MAP2: variants seen among roughly 807,000 people sequenced by gnomAD.
MAP2 encodes microtubule associated protein 2.
A neutral mutation model predicts 137.6 loss-of-function variants in MAP2; 14 were observed. The ratio of observed to expected loss-of-function variants is 0.10; its 90% CI spans 0.07 to 0.16. The LOEUF (loss-of-function observed/expected upper bound fraction) is 0.16, where lower values mean the gene tolerates loss of function less well. Among genes scored for constraint, MAP2 ranks in the 10% least tolerant of loss-of-function variants. The pLI, the probability that MAP2 is intolerant of heterozygous loss-of-function variation, is 1.00. For synonymous variants in MAP2, 786 were observed against 782.3 expected, an observed-to-expected ratio of 1.00 and a Z score of -0.08; for missense variants, 2,088 against 2,191.5, an observed-to-expected ratio of 0.95 and a Z score of 0.94.
intron 2 of MAP2, among the ~76,000 whole-genome samples, chr2:209,523,901 A>G (rs2063637320): frequency 6.6e-6 from 1 of 152,196 alleles, no homozygotes; most frequent in Admixed American, 6.6e-5. Context: ...ATGTTAGCAG[A>G]AATGAAAAGT....
At chr2:209,698,639 G>A (rs1218020004) in intron 10 of MAP2, among the ~76,000 whole-genome samples, 5 of 152,168 alleles carry the variant, frequency 3.3e-5, no homozygotes, top group African/African-American at 4.8e-5. Flanking sequence ...GGCAGGATTT[G>A]AAAATAGAAG....
At chr2:209,435,729 T>A (rs753666276) in intron 1 of MAP2, among the ~76,000 whole-genome samples, 1 of 150,786 alleles carries the variant, frequency 6.6e-6, no homozygotes, top group Non-Finnish European at 1.5e-5. Context: ...CTATTTAGAG[T>A]GGGAAACTAA....
chr2:209,542,330 C>G (rs1194928834), intron 2 of MAP2, among the ~76,000 whole-genome samples: 1 of 152,194 alleles, frequency 6.6e-6, no homozygotes, highest in African/African-American at 2.4e-5. Context: ...TTTACATCAT[C>G]CAGGTGGTTC....
chr2:209,664,086 G>A (rs7596811), intron 5 of MAP2, among the ~76,000 whole-genome samples: 28,730 of 152,146 alleles, frequency 0.19, 3,903 homozygotes, highest in African/African-American at 0.38. Flanking sequence ...ATTGATCATA[G>A]CAATCATTTT....
chr2:209,616,647 G>A (rs1199429485), intron 3 of MAP2, among the ~76,000 whole-genome samples: 3 of 152,112 alleles, frequency 2.0e-5, no homozygotes. Flanking sequence ...AATAGTTACT[G>A]AACAAGTATT....
intron 13 of MAP2, among the ~76,000 whole-genome samples, chr2:209,720,418 C>A (rs1284789982): frequency 6.6e-6 from 1 of 152,034 alleles, no homozygotes; most frequent in Non-Finnish European, 1.5e-5. Context: ...GCGGGCAGAT[C>A]ACGAGGTCAG....
At chr2:209,642,789 A>G (rs2094138185) in intron 4 of MAP2, among the ~76,000 whole-genome samples, 2 of 152,190 alleles carry the variant, frequency 1.3e-5, no homozygotes, top group Admixed American at 1.3e-4. Context: ...CTTAGAAGAC[A>G]AAGAGGGAGA....
chr2:209,560,881 TA>T (rs149309823), intron 2 of MAP2, among the ~76,000 whole-genome samples: 2,992 of 152,258 alleles, frequency 0.02, 94 homozygotes, highest in African/African-American at 0.068. Context: ...TTAAAACTCT[TA>T]AAAATAACTT....
intron 3 of MAP2, among the ~76,000 whole-genome samples, chr2:209,606,360 A>C (rs1244890184): frequency 1.3e-5 from 2 of 152,156 alleles, no homozygotes; most frequent in African/African-American, 4.8e-5. Context: ...TGGTATTAAC[A>C]TGTGAAGAAA....
intron 2 of MAP2, among the ~76,000 whole-genome samples, chr2:209,575,329 G>C (rs566052881): frequency 6.6e-6 from 1 of 151,878 alleles, no homozygotes; most frequent in Non-Finnish European, 1.5e-5. Context: ...AGACCATCCT[G>C]GCTAACACAG....
chr2:209,624,414 T>G (rs2091914828), intron 3 of MAP2, among the ~76,000 whole-genome samples: 1 of 152,194 alleles, frequency 6.6e-6, no homozygotes, highest in Non-Finnish European at 1.5e-5. Context: ...GCTTATGAAG[T>G]AGAAAACAAG....
chr2:209,556,199 C>A (rs373347624), intron 2 of MAP2, among the ~76,000 whole-genome samples: 17 of 151,898 alleles, frequency 1.1e-4, no homozygotes, highest in African/African-American at 4.1e-4. Context: ...TACCACCATG[C>A]CCAGCTAATT....
At chr2:209,569,998 A>G (rs1050355406) in intron 2 of MAP2, among the ~76,000 whole-genome samples, 1 of 151,822 alleles carries the variant, frequency 6.6e-6, no homozygotes. Context: ...ATTAAACCAG[A>G]TAGATAGTAA....
intron 2 of MAP2, among the ~76,000 whole-genome samples, chr2:209,577,634 C>T (rs1471606063): frequency 6.6e-6 from 1 of 152,084 alleles, no homozygotes; most frequent in Admixed American, 6.5e-5. Flanking sequence ...CCTGGGCTTT[C>T]CATTTTCCAG....
At chr2:209,706,472 AATT>A (rs1367981999) in intron 12 of MAP2, among the ~76,000 whole-genome samples, 1 of 152,006 alleles carries the variant, frequency 6.6e-6, no homozygotes, top group African/African-American at 2.4e-5. Context: ...CTATTATAAT[AATT>A]AATAAACTCA....
chr2:209,722,482 A>G (rs530220039), intron 13 of MAP2, among the ~76,000 whole-genome samples: 45 of 152,284 alleles, frequency 3.0e-4, no homozygotes, highest in African/African-American at 1.0e-3. Flanking sequence ...TTTTAATAAG[A>G]GGATAAAGTG....
rs2060321973 is a variant in MAP2, at chr2:209,696,918, A to G, written c.4389A>G (p.Ala1463=). 6.3e-7 allele frequency: 1 copy of G among 1,595,226 alleles called. No individual in the cohort carries two copies. Among genetic ancestry groups the G allele is most frequent in the African/African-American group, 1.4e-5 (1 of 73,506 alleles). ...CTTTTTGTGTTTTCTTATTCATAGC[A>G]GTTTATAAGAAGGCTGAACTTGCTA... ...VSRDEVRRKK[A]VYKKAELAKK... Residue 1463 remains alanine (A), a splice_region_variant and synonymous_variant, in exon 10 of 16, where the codon GCA becomes GCG. Coordinates refer to ENST00000682079, the MANE Select transcript of MAP2 (RefSeq NM_001375505.1).
intron 14 of MAP2, among the ~76,000 whole-genome samples, chr2:209,727,005 T>C (rs974648723): frequency 6.6e-6 from 1 of 152,156 alleles, no homozygotes; most frequent in Admixed American, 6.6e-5. Flanking sequence ...CAGGAGAAAA[T>C]TATTAATAAA....
chr2:209,585,468 C>T (rs2077471073), intron 3 of MAP2, among the ~76,000 whole-genome samples: 1 of 152,032 alleles, frequency 6.6e-6, no homozygotes, highest in South Asian at 2.1e-4. Flanking sequence ...ATAATAGTCA[C>T]TCATAATTAC....
Sources: gnomAD v4.1 joint callset for allele counts (sites outside exome capture counted in the v4.1 genomes callset) on GRCh38, gnomAD v4.1.1 for gene constraint, MANE v1.5 for transcripts, NCBI Gene and HGNC (gene_info 2026-07-23, HGNC 2026-07-21) for gene names.